Variants in ATP9B observed in about 807,000 individuals in gnomAD.
The protein encoded by ATP9B is ATPase phospholipid transporting 9B, also known as probable phospholipid-transporting ATPase IIB.
In ATP9B, 110 loss-of-function variants were observed where a neutral mutation model predicts 146.1. The observed-to-expected ratio is 0.75, with a 90% CI of 0.65 to 0.88. ATP9B has a LOEUF of 0.88. ATP9B is among the 40% of genes least tolerant of loss of function. The probability of loss-of-function intolerance (pLI) is 0.00; values close to 1 mark genes in which losing one functional copy is unlikely to be tolerated. For synonymous variants in ATP9B, 604 were observed against 569.7 expected (o/e 1.06, Z -0.86); for missense variants, 1,499 against 1,496.4 (o/e 1.00, Z -0.03).
chr18:79,274,555 C>T (rs1295801655), intron 12 of ATP9B, among the ~76,000 whole-genome samples: 1 of 152,072 alleles, frequency 6.6e-6, no homozygotes, highest in African/African-American at 2.4e-5. Flanking sequence ...TAGATGCATT[C>T]TGTGTGGTAT....
At chr18:79,177,635 G>GT (rs1465324537) in intron 8 of ATP9B, among the ~76,000 whole-genome samples, 1 of 152,194 alleles carries the variant, frequency 6.6e-6, no homozygotes, top group East Asian at 1.9e-4. Flanking sequence ...ATGCTCGTGT[G>GT]TGTAGAATCT....
chr18:79,188,954 A>T (rs1419963993), intron 8 of ATP9B, among the ~76,000 whole-genome samples: 1 of 151,618 alleles, frequency 6.6e-6, no homozygotes, highest in African/African-American at 2.4e-5. Flanking sequence ...GAGTTTTTTA[A>T]CTAGTTACAG....
intron 15 of ATP9B, among the ~76,000 whole-genome samples, chr18:79,315,237 G>A (rs556934135): frequency 2.0e-5 from 3 of 152,318 alleles, no homozygotes; most frequent in Non-Finnish European, 2.9e-5. Context: ...GAGGCGTGCT[G>A]TATTTTTTAA....
At chr18:79,326,584 C>A (rs1188633267) in intron 15 of ATP9B, among the ~76,000 whole-genome samples, 1 of 152,168 alleles carries the variant, frequency 6.6e-6, no homozygotes, top group Non-Finnish European at 1.5e-5. Context: ...TGTACCCTCC[C>A]TCCCTGAGCT....
intron 2 of ATP9B, among the ~76,000 whole-genome samples, chr18:79,099,383 G>A (rs1324338207): frequency 1.1e-4 from 16 of 151,966 alleles, no homozygotes; most frequent in South Asian, 8.3e-4. Context: ...CAGCATCCCC[G>A]GCTAATTTTT....
intron 13 of ATP9B, among the ~76,000 whole-genome samples, chr18:79,286,164 G>C (rs1599614405): frequency 6.7e-6 from 1 of 150,360 alleles, no homozygotes; most frequent in Non-Finnish European, 1.5e-5. Context: ...GAAAGTCATT[G>C]GTAGCTTGAT....
chr18:79,130,596 C>T (rs34712074), intron 5 of ATP9B, among the ~76,000 whole-genome samples: 1 of 151,944 alleles, frequency 6.6e-6, no homozygotes, highest in Admixed American at 6.6e-5. Context: ...TCTGTACATT[C>T]AGGAAGTACA....
intron 8 of ATP9B, among the ~76,000 whole-genome samples, chr18:79,181,065 C>T (rs1371508467): frequency 6.6e-6 from 1 of 152,030 alleles, no homozygotes; most frequent in Non-Finnish European, 1.5e-5. Flanking sequence ...CCCACCTTGG[C>T]CTCCCAAAGT....
intron 7 of ATP9B, among the ~76,000 whole-genome samples, chr18:79,156,320 A>G (rs1482906657): frequency 3.3e-5 from 5 of 152,066 alleles, no homozygotes; most frequent in Admixed American, 6.5e-5. Context: ...GTCCCATGTC[A>G]CTGAACTCTG....
At chr18:79,221,692 G>A (rs2095678801) in intron 11 of ATP9B, among the ~76,000 whole-genome samples, 1 of 152,188 alleles carries the variant, frequency 6.6e-6, no homozygotes, top group Admixed American at 6.5e-5. Flanking sequence ...CTGCACTGCA[G>A]CCTGGGTTAC....
At chr18:79,303,335 C>G (rs2096603533) in intron 13 of ATP9B, among the ~76,000 whole-genome samples, 1 of 151,862 alleles carries the variant, frequency 6.6e-6, no homozygotes. Context: ...GCACTCCAGC[C>G]TGGGCAACAG....
At chr18:79,346,484 A>G (rs565246955) in intron 23 of ATP9B, among the ~76,000 whole-genome samples, 31 of 127,368 alleles carry the variant, frequency 2.4e-4, no homozygotes, top group African/African-American at 9.5e-4. Flanking sequence ...AGCACACTAC[A>G]TGCTTGGCAC....
At chr18:79,077,213 A>G (rs533895585) in intron 1 of ATP9B, among the ~76,000 whole-genome samples, 9 of 152,242 alleles carry the variant, frequency 5.9e-5, no homozygotes, top group African/African-American at 2.2e-4. Context: ...TTTGGGTATT[A>G]TGTTATGAGA....
At chr18:79,136,827 G>A (rs1252658959) in intron 5 of ATP9B, among the ~76,000 whole-genome samples, 1 of 152,162 alleles carries the variant, frequency 6.6e-6, no homozygotes, top group East Asian at 1.9e-4. Context: ...GCTGGGGAAG[G>A]CCTCAGGAAA....
At chr18:79,179,220 T>C (rs1292595901) in intron 8 of ATP9B, among the ~76,000 whole-genome samples, 2 of 152,192 alleles carry the variant, frequency 1.3e-5, no homozygotes, top group Admixed American at 1.3e-4. Context: ...CTTTTATCGA[T>C]CATTTCAAAG....
At chr18:79,238,738 A>G (rs566629370) in intron 11 of ATP9B, among the ~76,000 whole-genome samples, 5 of 152,256 alleles carry the variant, frequency 3.3e-5, no homozygotes, top group Admixed American at 6.5e-5. Context: ...GGCAGCGAGT[A>G]TGATTTTCCT....
chr18:79,371,392 A>C (rs113831214), intron 26 of ATP9B, among the ~76,000 whole-genome samples: 23,315 of 149,282 alleles, frequency 0.16, 2,107 homozygotes, highest in Admixed American at 0.19. Flanking sequence ...AAAAAAAAAA[A>C]AAAAAAAAAC....
chr18:79,235,624 C>G (rs1483893628), intron 11 of ATP9B, among the ~76,000 whole-genome samples: 1 of 151,940 alleles, frequency 6.6e-6, no homozygotes, highest in Non-Finnish European at 1.5e-5. Flanking sequence ...AACGAGCACC[C>G]ACTCATGGTG....
intron 1 of ATP9B, among the ~76,000 whole-genome samples, chr18:79,091,181 A>T (rs564509804): frequency 1.3e-5 from 2 of 152,170 alleles, no homozygotes; most frequent in African/African-American, 4.8e-5. Context: ...TTTGGTTACT[A>T]TAGCTCTGCA....
Sources: gnomAD v4.1 joint callset for allele counts (sites outside exome capture counted in the v4.1 genomes callset) on GRCh38, gnomAD v4.1.1 for gene constraint, MANE v1.5 for transcripts, NCBI Gene and HGNC (gene_info 2026-07-23, HGNC 2026-07-21) for gene names.